Variants in PKD1 observed in about 807,000 individuals in gnomAD.
PKD1 encodes polycystin 1, transient receptor potential channel interacting.
In PKD1, 81 loss-of-function variants were observed where a neutral mutation model predicts 361.7. The ratio of observed to expected loss-of-function variants is 0.22; its 90% CI spans 0.19 to 0.27. PKD1 has a LOEUF of 0.27. Among genes scored for constraint, PKD1 ranks in the 10% least tolerant of loss-of-function variants. The pLI is 1.00. For missense variants in PKD1, 6,399 were observed against 6,118.3 expected (o/e 1.05, Z -1.53); for synonymous variants, 3,615 against 2,818.3 (o/e 1.28, Z -8.95).
intron 1 of PKD1, among the ~76,000 whole-genome samples, chr16:2,132,858 G>A (rs2092903710): frequency 1.3e-5 from 2 of 149,296 alleles, no homozygotes; most frequent in South Asian, 4.2e-4. Flanking sequence ...GAGGCGGGCG[G>A]ATCATCTGAG....
rs376761943 is a variant in PKD1 at position 2,109,638 on chromosome 16, G to A, written c.5529C>T (p.Gly1843=). Residue 1843 remains glycine (G), a synonymous_variant, in exon 15 of 46, where the codon GGC becomes GGT. Coordinates refer to ENST00000262304, the MANE Select transcript of PKD1 (RefSeq NM_001009944.3). ...TNVSWCWAVP[G]GSSKRGPHVT... ...CATGAGGGCCACGCTTGCTGCTGCC[G>A]CCGGGCACAGCCCAGCACCAGCTCA... 54 of 1,597,494 alleles carry A rather than the reference G, an allele frequency of 3.4e-5. No individual in the cohort carries two copies. In the African/African-American group the frequency reaches 3.6e-4, roughly 11 times the overall value.
At chr16:2,096,925 C>A in intron 34 of PKD1, 1 of 589,910 alleles carries the variant, frequency 1.7e-6, no homozygotes, top group Non-Finnish European at 3.0e-6. Flanking sequence ...TCCTACAAAG[C>A]CCCATGAGCC....
In PKD1 at chr16:2,092,700, C is replaced by G. The variant is rs577760247; in HGVS notation, c.11157-108G>C. On this transcript the variant is annotated intron_variant, in intron 38 of 45. Transcript: ENST00000262304. ...ATGGCTCCCACTGCCCTGCTGGCCA[C>G]GGCTAGACCTGGGCTTCTCAGCCTT... 31 of 900,398 alleles carry G rather than the reference C, an allele frequency of 3.4e-5. No homozygotes were observed. In the South Asian group the frequency reaches 3.6e-4, roughly 11 times the overall value. The allele number at this position is 900,398 out of a possible 1,614,324, so 55.8% of individuals were successfully genotyped here.
chr16:2,107,883 C>T lies in PKD1; in HGVS notation c.7065G>A (p.Thr2355=), dbSNP rs573444508. 7.1e-6 allele frequency: 11 copies of T among 1,543,914 alleles called. No homozygotes were observed. Among genetic ancestry groups the T allele is most frequent in the East Asian group, 2.4e-5 (1 of 40,930 alleles). The change falls in exon 16 of 46, where the codon ACG becomes ACA. Residue 2355 remains threonine (T), a splice_region_variant and synonymous_variant. Coordinates refer to ENST00000262304, the MANE Select transcript of PKD1 (RefSeq NM_001009944.3). The part of the protein sequence containing the change: ...AGRKEEATNQ[T]VLIRSGRVPI... Reference sequence around the variant, plus strand: ...TGGCCGAGGGGCGGGCGGCACCCACCGTCTGGTTGGTGGCCTCCTCCTTGC... The same window carrying T: ...TGGCCGAGGGGCGGGCGGCACCCACTGTCTGGTTGGTGGCCTCCTCCTTGC...
intron 34 of PKD1, among the ~76,000 whole-genome samples, chr16:2,096,541 G>A (rs1305391810): frequency 9.9e-5 from 15 of 152,168 alleles, no homozygotes; most frequent in African/African-American, 3.4e-4. Context: ...TTGAGACGGA[G>A]TTTCGCTCTT....
At chr16:2,127,668 G>A (rs866560211) in intron 1 of PKD1, among the ~76,000 whole-genome samples, 112 of 151,674 alleles carry the variant, frequency 7.4e-4, no homozygotes, top group African/African-American at 2.2e-3. Context: ...GGCTGCCAGT[G>A]GCTGAGCCAG....
Position 2,107,924 on chromosome 16 carries a change from C to A in PKD1, c.7024G>T (p.Val2342Leu). 6.5e-7 allele frequency: 1 copy of A among 1,545,952 alleles called. No individual in the cohort carries two copies. Among genetic ancestry groups the A allele is most frequent in the East Asian group, 2.4e-5 (1 of 40,918 alleles). Residue 2342 changes from valine to leucine, a missense_variant, in exon 16 of 46, where the codon GTG becomes TTG. Coordinates refer to ENST00000262304, the MANE Select transcript of PKD1 (RefSeq NM_001009944.3). ...TCCTCCTTGCGGCCGGCCTTCCACA[C>A]GGTCAGGCTGAAGGTGTACTCCACG... is the stretch of plus-strand genomic sequence containing the variant. ...AGVEYTFSLTVWKAGRKEEAT... is the reference protein window; with the variant it reads ...AGVEYTFSLTLWKAGRKEEAT...
Position 2,092,491 on chromosome 16 carries a change from C to T in PKD1, c.11258G>A (p.Arg3753Gln), listed in dbSNP as rs1555446330. ...CCCTGCCAGCTCACCTTCCTGCAGCCGCACCTGCCGCAGCCGTGGGGGCCC... is the reference window on the plus strand; with the variant it reads ...CCCTGCCAGCTCACCTTCCTGCAGCTGCACCTGCCGCAGCCGTGGGGGCCC... ...ELGPPRLRQV[R>Q]LQEALYPDPP... Residue 3753 changes from arginine to glutamine, a missense_variant, in exon 39 of 46, where the codon CGG becomes CAG. Physicochemically the swap from Arg to Gln is conservative, Grantham distance 43. Transcript: ENST00000262304. The T allele has an allele frequency of 1.2e-6, 2 of 1,605,838 alleles. No individual in the cohort carries two copies. Among genetic ancestry groups the T allele is most frequent in the Non-Finnish European group, 1.7e-6 (2 of 1,174,328 alleles).
chr16:2,110,227 T>C lies in PKD1; in HGVS notation c.4940A>G (p.Asn1647Ser), dbSNP rs1278037718. ...VVGGGRYFPT[N>S]HTVQLQAVVR... ...CACGGCCTGCAGCTGTACCGTGTGG[T>C]TGGTGGGGAAGTAGCGGCCACCGCC... is the stretch of plus-strand genomic sequence containing the variant. Residue 1647 changes from asparagine to serine, a missense_variant, in exon 15 of 46, where the codon AAC (asparagine) becomes AGC (serine). By Grantham distance (46) the Asn-to-Ser change is conservative. Coordinates refer to ENST00000262304, the MANE Select transcript of PKD1 (RefSeq NM_001009944.3). The C allele has an allele frequency of 1.2e-6, 2 of 1,611,970 alleles. No homozygotes were observed. The highest frequency in any genetic ancestry group is 1.3e-5 in the African/African-American group (1 of 74,912).
Position 2,104,661 on chromosome 16 carries a change from G to A in PKD1, c.8017-19C>T, listed in dbSNP as rs1415800281. 9.8e-6 allele frequency: 14 copies of A among 1,427,486 alleles called. No individual in the cohort carries two copies. The African/African-American group carries it at 1.5e-4, about 15-fold the overall frequency. The allele number at this position is 1,427,486 out of a possible 1,614,324, so 88.4% of individuals were successfully genotyped here. On this transcript the variant is annotated intron_variant, in intron 21 of 45. Coordinates refer to ENST00000262304, the MANE Select transcript of PKD1 (RefSeq NM_001009944.3). Reference sequence around the variant, plus strand: ...TGGGCCCCTGTGTGGAGCCAGCAGTGTCCAGCCCCGCTCCTGGCCCCACTC... The same window carrying A: ...TGGGCCCCTGTGTGGAGCCAGCAGTATCCAGCCCCGCTCCTGGCCCCACTC...
chr16:2,121,266 T>G (rs142702427), intron 1 of PKD1, among the ~76,000 whole-genome samples: 4,842 of 147,112 alleles, frequency 0.033, 278 homozygotes, highest in African/African-American at 0.11. Context: ...TCAGGAGGCT[T>G]AGGCAGGAGA....
intron 1 of PKD1, among the ~76,000 whole-genome samples, chr16:2,129,263 A>G (rs1289199218): frequency 1.4e-5 from 2 of 146,654 alleles, no homozygotes; most frequent in Non-Finnish European, 3.0e-5. Flanking sequence ...AGACTCAGGG[A>G]ATCCTCCCCC....
In PKD1 at chr16:2,114,299, C is replaced by A. The variant is rs776462934; in HGVS notation, c.2724G>T (p.Val908=). 18 of 1,610,560 alleles carry A rather than the reference C, an allele frequency of 1.1e-5. No homozygotes were observed. Among genetic ancestry groups the A allele is most frequent in the Admixed American group, 1.7e-5 (1 of 60,006 alleles). ...ALPWLSEGEH[V]VDVVVENSAS... ...CGCTGTTTTCCACCACCACGTCCAC[C>A]ACGTGCTCCCCCTCACTGAGCCACG... Residue 908 remains valine (V), a synonymous_variant, in exon 11 of 46, where the codon GTG becomes GTT. Transcript: ENST00000262304.
chr16:2,115,405 A>T lies in PKD1; in HGVS notation c.2070T>A (p.Val690=). The T allele has an allele frequency of 6.4e-7, 1 of 1,568,634 alleles. No homozygotes were observed. The highest frequency in any genetic ancestry group is 8.7e-7 in the Non-Finnish European group (1 of 1,155,566). The change falls in exon 10 of 46, where the codon GTT becomes GTA. Residue 690 remains valine, a synonymous_variant. Coordinates refer to ENST00000262304, the MANE Select transcript of PKD1 (RefSeq NM_001009944.3). ...AGTACTGCGCGGGGGGCCCCGCGGG[A>T]ACGGAGAAGAGGAACTCTCTCCATA... ...YALWREFLFS[V]PAGPPAQYSV...
rs757653753 is a variant in PKD1 at position 2,093,816 on chromosome 16, G to T, written c.10816C>A (p.Leu3606Met). The stretch of plus-strand genomic sequence containing the variant: ...ACCCCTGGCAGCCCCCTCACCTTCA[G>T]TGGCTCCCAGCCGAGGAATGAGGCC... ...FLASFLGWEP[L>M]KVLLEALYFS... Residue 3606 changes from leucine to methionine, a missense_variant, in exon 36 of 46, where the codon CTG becomes ATG. By Grantham distance (15) the Leu-to-Met change is conservative. Transcript: ENST00000262304. 7.1e-6 allele frequency: 11 copies of T among 1,555,634 alleles called. No individual in the cohort carries two copies. In the Admixed American group the frequency reaches 7.5e-5, roughly 11 times the overall value.
At position 2,089,584 on chromosome 16, in the gene PKD1, A is replaced by C. The variant is rs1046265575; in HGVS notation, c.*143T>G. On this transcript the variant is annotated 3_prime_UTR_variant, in exon 46 of 46. Coordinates refer to ENST00000262304, the MANE Select transcript of PKD1 (RefSeq NM_001009944.3). Reference sequence around the variant, plus strand: ...CAGCCTCTTTAAAGTGCTGAAGCCCACAGACAGACAGATGCCCCTGCCTGC... The same window carrying C: ...CAGCCTCTTTAAAGTGCTGAAGCCCCCAGACAGACAGATGCCCCTGCCTGC... The C allele has an allele frequency of 2.8e-6, 3 of 1,058,548 alleles. No individual in the cohort carries two copies. Among genetic ancestry groups the C allele is most frequent in the East Asian group, 5.2e-5 (2 of 38,210 alleles). 65.6% of individuals were successfully genotyped at this position (1,058,548 alleles called of 1,614,324 possible).
chr16:2,094,116 G>T lies in PKD1; in HGVS notation c.10594C>A (p.Gln3532Lys). Residue 3532 changes from glutamine (Q) to lysine (K), a missense_variant, in exon 35 of 46, where the codon CAG (glutamine) becomes AAG (lysine). Coordinates refer to ENST00000262304, the MANE Select transcript of PKD1 (RefSeq NM_001009944.3). Reference sequence around the variant, plus strand: ...CCTGTCCTGGACAGCCTCGCTGCCTGGGGCTGTTCCCAGTTCAGGCCTGGG... The same window carrying T: ...CCTGTCCTGGACAGCCTCGCTGCCTTGGGCTGTTCCCAGTTCAGGCCTGGG... Reference protein sequence around the residue: ...PSPGLNWEQPQAARLSRTGLV... With the variant: ...PSPGLNWEQPKAARLSRTGLV... The T allele has an allele frequency of 6.3e-7, 1 of 1,593,342 alleles. No homozygotes were observed. Among genetic ancestry groups the T allele is most frequent in the Non-Finnish European group, 8.6e-7 (1 of 1,169,482 alleles).
intron 1 of PKD1, among the ~76,000 whole-genome samples, chr16:2,124,761 C>A (rs2092772490): frequency 6.6e-6 from 1 of 152,250 alleles, no homozygotes; most frequent in South Asian, 2.1e-4. Flanking sequence ...CCCGGCACCC[C>A]CGCCCGCGCT....
Position 2,111,068 on chromosome 16 carries a change from T to C in PKD1, c.4099A>G (p.Arg1367Gly). ...CAGATGCTGGTGAAGTAATGCGCCCTGTTCACGCGGCTGGACAGCACCAGC... is the reference window on the plus strand; with the variant it reads ...CAGATGCTGGTGAAGTAATGCGCCCCGTTCACGCGGCTGGACAGCACCAGC... Reference protein sequence around the residue: ...LALVLSSRVNRAHYFTSICVE... With the variant: ...LALVLSSRVNGAHYFTSICVE... The change falls in exon 15 of 46, where the codon AGG becomes GGG. Residue 1367 changes from arginine to glycine, a missense_variant. Arg to Gly is a moderately radical substitution (Grantham distance 125, BLOSUM62 -2). Coordinates refer to ENST00000262304, the MANE Select transcript of PKD1 (RefSeq NM_001009944.3). The C allele has an allele frequency of 3.1e-6, 5 of 1,610,654 alleles. No individual in the cohort carries two copies. Among genetic ancestry groups the C allele is most frequent in the East Asian group, 4.5e-5 (2 of 44,874 alleles).
Sources: gnomAD v4.1 joint callset for allele counts (sites outside exome capture counted in the v4.1 genomes callset) on GRCh38, gnomAD v4.1.1 for gene constraint, MANE v1.5 for transcripts, NCBI Gene and HGNC (gene_info 2026-07-23, HGNC 2026-07-21) for gene names.